The following AK7 variants were observed in gnomAD, a reference collection of about 807,000 sequenced individuals.
The protein encoded by AK7 is ATP-AMP transphosphorylase 7.
AK7 carries 78 observed loss-of-function variants against 96.6 expected under a neutral mutation model. The ratio of observed to expected loss-of-function variants is 0.81; its 90% confidence interval spans 0.67 to 0.97. The LOEUF (loss-of-function observed/expected upper bound fraction) is 0.97. AK7 is among the 50% of genes least tolerant of loss of function. The pLI is 0.00. For synonymous variants in AK7, 302 were observed against 317.2 expected (o/e 0.95, Z 0.51); for missense variants, 855 against 887.9 (o/e 0.96, Z 0.47).
At chr14:96,408,982 C>T (rs754230690) in intron 4 of AK7, 41 bp downstream of exon 4, 102 of 1,592,288 alleles carry the variant, frequency 6.4e-5, no homozygotes, top group Non-Finnish European at 8.6e-5. Flanking sequence ...ACATTTCAGC[C>T]ATAACACCTT....
intron 10 of AK7, 43 bp from the exon 11 acceptor site, chr14:96,456,304 C>T (rs1893900370): frequency 7.3e-7 from 1 of 1,371,394 alleles, no homozygotes; most frequent in Non-Finnish European, 1.0e-6. Flanking sequence ...AGCTACAGAT[C>T]ATTCAGAGCT....
At chr14:96,448,906 A>C (rs1340690346) in intron 8 of AK7, among the ~76,000 whole-genome samples, 2 of 151,966 alleles carry the variant, frequency 1.3e-5, no homozygotes, top group Admixed American at 6.6e-5. Flanking sequence ...CAGTGAGCTG[A>C]GATCGTGCCA....
chr14:96,435,681 G>C (rs773035590), intron 5 of AK7, among the ~76,000 whole-genome samples: 5 of 152,148 alleles, frequency 3.3e-5, no homozygotes. Context: ...TGTAGCCCTC[G>C]GTGGCGAGGT....
chr14:96,460,644 C>T lies in AK7; in HGVS notation c.1357+2432C>T, dbSNP rs1029734554. 1.2e-4 allele frequency among the ~76,000 whole-genome samples: 19 copies of T among 152,178 alleles called. No individual in the cohort carries two copies. The East Asian group carries it at 3.1e-3, about 25-fold the overall frequency. On this transcript the variant is annotated intron_variant, in intron 12 of 17. Coordinates refer to ENST00000267584, the MANE Select transcript of AK7 (RefSeq NM_152327.5). ...CCTTTGCCATAGAGGTTGTCCTCTTCCCAGCTACTCACCTCCACCTGGGTT... is the reference window on the plus strand; with the variant it reads ...CCTTTGCCATAGAGGTTGTCCTCTTTCCAGCTACTCACCTCCACCTGGGTT...
At chr14:96,478,315 T>C (rs1246908809) in intron 14 of AK7, 150 bp from the exon 15 acceptor site, 9 of 695,666 alleles carry the variant, frequency 1.3e-5, no homozygotes, top group Admixed American at 2.7e-5. Context: ...CATCTATTTA[T>C]CCTCCATGAG....
chr14:96,469,670 AT>A (rs1296605222), intron 12 of AK7, among the ~76,000 whole-genome samples: 2 of 152,224 alleles, frequency 1.3e-5, no homozygotes, highest in African/African-American at 4.8e-5. Context: ...GAGGAATTTC[AT>A]TATGTTAAAT....
intron 12 of AK7, among the ~76,000 whole-genome samples, chr14:96,462,138 C>T (rs1410886397): frequency 1.3e-5 from 2 of 152,162 alleles, no homozygotes; most frequent in African/African-American, 4.8e-5. Context: ...TCAGCAGCCT[C>T]TGTCAGGAGA....
intron 15 of AK7, 102 bp from the exon 16 acceptor site, chr14:96,482,897 T>C: frequency 4.3e-6 from 5 of 1,154,484 alleles, no homozygotes; most frequent in Non-Finnish European, 6.2e-6. Flanking sequence ...TGTGGTAATT[T>C]ACATAATTGA....
chr14:96,398,126 G>T lies in AK7; in HGVS notation c.157G>T (p.Glu53Ter). 2 of 1,612,456 alleles carry T rather than the reference G, an allele frequency of 1.2e-6. No individual in the cohort carries two copies. The highest frequency in any genetic ancestry group is 8.5e-7 in the Non-Finnish European group (1 of 1,178,456). ...GASLEEITEEEEEEDENKSAM... is the reference protein window; with the variant it reads ...GASLEEITEE The stretch of plus-strand genomic sequence containing the variant: ...TTCGCTTGAAGAAATTACAGAGGAA[G>T]AGGAAGAGGAAGATGAAAATAAGTC... The change falls in exon 2 of 18, where the codon GAG (glutamate) becomes TAG (stop). Residue 53 changes from glutamate (E) to a stop codon, truncating the protein, a stop_gained. Coordinates refer to ENST00000267584, the MANE Select transcript of AK7 (RefSeq NM_152327.5). LOFTEE classifies it high-confidence loss of function.
chr14:96,403,500 G>T (rs987280093), intron 2 of AK7, among the ~76,000 whole-genome samples: 2 of 152,178 alleles, frequency 1.3e-5, no homozygotes, highest in East Asian at 3.8e-4. Context: ...TCATCCAAAA[G>T]AATCTAGGGA....
At chr14:96,470,031 T>C (rs1894798974) in intron 12 of AK7, among the ~76,000 whole-genome samples, 1 of 152,132 alleles carries the variant, frequency 6.6e-6, no homozygotes, top group African/African-American at 2.4e-5. Context: ...TTGGTCAGGC[T>C]GGTCTCGAAC....
intron 4 of AK7, among the ~76,000 whole-genome samples, chr14:96,413,103 T>C (rs550969851): frequency 6.6e-5 from 10 of 152,270 alleles, no homozygotes; most frequent in African/African-American, 2.4e-4. Flanking sequence ...AGGGAGTTGA[T>C]TCTGTGTCTT....
chr14:96,436,477 T>C (rs900085094), intron 5 of AK7, among the ~76,000 whole-genome samples: 4 of 152,030 alleles, frequency 2.6e-5, no homozygotes, highest in African/African-American at 9.7e-5. Context: ...AAACCCTGTC[T>C]CTATTAAAAG....
At chr14:96,417,034 A>C (rs1055984147) in intron 4 of AK7, among the ~76,000 whole-genome samples, 1 of 152,248 alleles carries the variant, frequency 6.6e-6, no homozygotes, top group Admixed American at 6.5e-5. Context: ...TTTCCCTGGC[A>C]GCCGTTGAAG....
rs948413204 is a variant in AK7, at chr14:96,413,088, T to A, written c.498+4147T>A. On this transcript the variant is annotated intron_variant, in intron 4 of 17. Transcript: ENST00000267584. ...AGAAGTTAACTCCAGGACTCTGGAG[T>A]TGGGAGGGAGTTGATTCTGTGTCTT... 3.3e-5 allele frequency among the ~76,000 whole-genome samples: 5 copies of A among 151,796 alleles called. No homozygotes were observed. In the East Asian group the frequency reaches 9.7e-4, roughly 29 times the overall value.
intron 6 of AK7, among the ~76,000 whole-genome samples, chr14:96,439,143 C>G (rs1566785196): frequency 6.6e-6 from 1 of 151,960 alleles, no homozygotes. Context: ...TGGGGGAGGT[C>G]AGGTCTGGAG....
At position 96,447,053 on chromosome 14, in the gene AK7, C is replaced by G. The variant is rs139229721; in HGVS notation, c.870+446C>G. On this transcript the variant is annotated intron_variant, in intron 8 of 17. Coordinates refer to ENST00000267584, the MANE Select transcript of AK7 (RefSeq NM_152327.5). The stretch of plus-strand genomic sequence containing the variant: ...GAAGAATATCCGTAAAACCCAAACT[C>G]ACTATCTGCATTTGCAGTATATACT... Among the ~76,000 whole-genome samples the G allele has an allele frequency of 1.7e-3, 265 of 152,332 alleles. 4 individuals carry two copies. The highest frequency in any genetic ancestry group is 6.7e-3 in the East Asian group (35 of 5,192).
chr14:96,411,474 G>C (rs1413595213), intron 4 of AK7, among the ~76,000 whole-genome samples: 1 of 151,628 alleles, frequency 6.6e-6, no homozygotes, highest in Non-Finnish European at 1.5e-5. Context: ...TCGCACCACT[G>C]TACTCCAGCC....
At chr14:96,413,408 G>C (rs141282211) in intron 4 of AK7, among the ~76,000 whole-genome samples, 102 of 152,274 alleles carry the variant, frequency 6.7e-4, no homozygotes, top group Admixed American at 1.2e-3. Context: ...TGAGAGGATA[G>C]GGGAATTGAG....
Sources: gnomAD v4.1 joint callset for allele counts (sites outside exome capture counted in the v4.1 genomes callset) on GRCh38, gnomAD v4.1.1 for gene constraint, MANE v1.5 for transcripts, NCBI Gene and HGNC (gene_info 2026-07-23, HGNC 2026-07-21) for gene names.